AAMDC: variants seen among roughly 807,000 people sequenced by gnomAD.
The protein encoded by AAMDC is mth938 domain-containing protein.
AAMDC carries 16 observed loss-of-function variants against 15.5 expected under a neutral mutation model. That is an observed-to-expected ratio of 1.03 (90% CI 0.70 to 1.57). AAMDC has a LOEUF of 1.57. Among genes scored for constraint, AAMDC ranks in the 40% most tolerant of loss-of-function variants. The pLI, the probability that AAMDC is intolerant of heterozygous loss-of-function variation, is 0.00. For synonymous variants in AAMDC, 51 were observed against 51.6 expected, an observed-to-expected ratio of 0.99 and a Z score of 0.05; for missense variants, 141 against 144.9, an observed-to-expected ratio of 0.97 and a Z score of 0.14.
Position 77,842,624 on chromosome 11 carries a change from C to G in AAMDC, c.128C>G (p.Thr43Ser). The change falls in exon 2 of 4, where the codon ACT (threonine) becomes AGT (serine). Residue 43 changes from threonine to serine, a missense_variant. By Grantham distance (58) the Thr-to-Ser change is moderately conservative. Coordinates refer to ENST00000393427, the MANE Select transcript of AAMDC (RefSeq NM_024684.4). ...SRTWDWRETG[T>S]EHSPGVQPAD... ...ACTTGGGATTGGAGAGAAACAGGAA[C>G]TGAGGTAAGATATTAGTCTTTGGTT... 6.2e-7 allele frequency: 1 copy of G among 1,613,706 alleles called. No individual in the cohort carries two copies. Among genetic ancestry groups the G allele is most frequent in the Non-Finnish European group, 8.5e-7 (1 of 1,179,856 alleles).
intron 5 of AAMDC, among the ~76,000 whole-genome samples, chr11:77,893,314 G>A (rs1361459870): frequency 4.6e-5 from 7 of 152,172 alleles, no homozygotes; most frequent in Non-Finnish European, 1.0e-4. Context: ...GCAAGTGTAA[G>A]AACAGTGTGG....
intron 1 of AAMDC, among the ~76,000 whole-genome samples, chr11:77,826,982 G>A (rs964836800): frequency 2.6e-5 from 4 of 152,082 alleles, no homozygotes; most frequent in South Asian, 2.1e-4. Context: ...GCACACACCC[G>A]TCGTCCCTGC....
At chr11:77,904,221 CT>C (rs1221685261), downstream of AAMDC, among the ~76,000 whole-genome samples, 1 of 152,176 alleles carries the variant, frequency 6.6e-6, no homozygotes, top group Non-Finnish European at 1.5e-5. Context: ...GTGACAGCCT[CT>C]TATTTTCTCA....
chr11:77,837,348 GCTGGTCTCTTAA>G (rs1201110255), intron 1 of AAMDC, among the ~76,000 whole-genome samples: 3 of 152,136 alleles, frequency 2.0e-5, no homozygotes, highest in Non-Finnish European at 4.4e-5. Context: ...CGTTGGCCAG[GCTGGTCTCTTAA>G]CTCCTGACCT....
chr11:77,888,522 T>C (rs1238078643), intron 5 of AAMDC, among the ~76,000 whole-genome samples: 1 of 152,138 alleles, frequency 6.6e-6, no homozygotes, highest in Non-Finnish European at 1.5e-5. Flanking sequence ...GGGCAAGGAC[T>C]TCATGTCTAA....
At position 77,842,527 on chromosome 11, in the gene AAMDC, TG is replaced by T; in HGVS notation, c.36del (p.Gln13LysfsTer2). The T allele has an allele frequency of 6.2e-7, 1 of 1,613,960 alleles. No homozygotes were observed. ...TTCCCCTGAAATTGCTTCCTTATCA[TG>T]GGGGCAAATGAAAGTAAAAGGCTCT... is the stretch of plus-strand genomic sequence containing the variant. Reference protein sequence around the residue: MTSPEIASLSWGQMKVKGSNT... With the variant: MTSPEIASLSXGQMKVKGSNT... On this transcript the variant is annotated frameshift_variant, in exon 2 of 4. Transcript: ENST00000393427. LOFTEE classifies it high-confidence loss of function.
chr11:77,842,197 T>A (rs1249455971), intron 1 of AAMDC, among the ~76,000 whole-genome samples: 4 of 152,234 alleles, frequency 2.6e-5, no homozygotes, highest in African/African-American at 9.6e-5. Context: ...CACTCCATCA[T>A]GCTGAAGTAA....
intron 5 of AAMDC, among the ~76,000 whole-genome samples, chr11:77,897,208 T>C (rs1952562278): frequency 6.6e-6 from 1 of 151,820 alleles, no homozygotes; most frequent in South Asian, 2.1e-4. Flanking sequence ...GCTAAACTTA[T>C]AAAGATTATA....
downstream of AAMDC, chr11:77,900,799 G>C: frequency 1.7e-6 from 1 of 594,000 alleles, no homozygotes; most frequent in South Asian, 2.1e-5. Flanking sequence ...CCAGTTATCT[G>C]AAAGTCTTAC....
At chr11:77,905,534 T>C (rs372328713), downstream of AAMDC, among the ~76,000 whole-genome samples, 4 of 152,046 alleles carry the variant, frequency 2.6e-5, no homozygotes, top group Admixed American at 2.0e-4. Flanking sequence ...TCTGACTCCA[T>C]GAAAGTGCAT....
chr11:77,877,850 C>T (rs1340562320), intron 5 of AAMDC, among the ~76,000 whole-genome samples: 1 of 151,956 alleles, frequency 6.6e-6, no homozygotes, highest in Non-Finnish European at 1.5e-5. Context: ...ATCCCAAAGT[C>T]CTGGGATTAT....
At chr11:77,900,122 T>TG (rs1341450881) in intron 5 of AAMDC, among the ~76,000 whole-genome samples, 1 of 151,614 alleles carries the variant, frequency 6.6e-6, no homozygotes, top group Non-Finnish European at 1.5e-5. Flanking sequence ...TATATAAAGA[T>TG]GGAGTCTTGC....
rs1248132645 is a variant in AAMDC at position 77,853,313 on chromosome 11, TAGGCTGTACAGG to T, written c.132+10687_132+10698del. 1.2e-4 allele frequency among the ~76,000 whole-genome samples: 18 copies of T among 152,300 alleles called. 1 individual carries two copies. Among genetic ancestry groups the T allele is most frequent in the Admixed American group, 1.1e-3 (17 of 15,302 alleles). On this transcript the variant is annotated intron_variant, in intron 2 of 3. Coordinates refer to ENST00000393427, the MANE Select transcript of AAMDC (RefSeq NM_024684.4). ...GAGGTTTCATTGGCTCAGGTTTCCATAGGCTGTACAGGAAGCATTGCTAGGGAGGCCTCAGGA... is the reference window on the plus strand; with the variant it reads ...GAGGTTTCATTGGCTCAGGTTTCCATAAGCATTGCTAGGGAGGCCTCAGGA...
At chr11:77,868,807 C>T (rs182303916) in intron 2 of AAMDC, 151 of 223,638 alleles carry the variant, frequency 6.8e-4, no homozygotes, top group African/African-American at 3.0e-3. Flanking sequence ...AGCAGGCTGG[C>T]GCTTAATTTG....
intron 2 of AAMDC, among the ~76,000 whole-genome samples, chr11:77,844,800 C>T (rs1289483334): frequency 6.6e-6 from 1 of 152,174 alleles, no homozygotes; most frequent in Non-Finnish European, 1.5e-5. Flanking sequence ...TAATTTTTCA[C>T]ATAGGAGTGG....
intron 1 of AAMDC, among the ~76,000 whole-genome samples, chr11:77,841,522 C>T (rs1949930431): frequency 6.6e-6 from 1 of 152,170 alleles, no homozygotes; most frequent in African/African-American, 2.4e-5. Flanking sequence ...ACTGTGTGTA[C>T]AGGGGAGTGC....
intron 5 of AAMDC, among the ~76,000 whole-genome samples, chr11:77,890,923 A>G (rs1952234203): frequency 6.6e-6 from 1 of 152,206 alleles, no homozygotes. Context: ...CATAAATTTT[A>G]TCTGCCAGCC....
chr11:77,887,108 C>A (rs1262048130), intron 5 of AAMDC, among the ~76,000 whole-genome samples: 1 of 152,002 alleles, frequency 6.6e-6, no homozygotes, highest in Non-Finnish European at 1.5e-5. Context: ...CAGAGCAGAA[C>A]TGAAGGAAAT....
At chr11:77,882,622 G>A (rs755303351) in intron 5 of AAMDC, among the ~76,000 whole-genome samples, 6 of 152,306 alleles carry the variant, frequency 3.9e-5, no homozygotes, top group Non-Finnish European at 7.4e-5. Flanking sequence ...TATGGAATGA[G>A]GAATACTCAG....
Sources: gnomAD v4.1 joint callset for allele counts (sites outside exome capture counted in the v4.1 genomes callset) on GRCh38, gnomAD v4.1.1 for gene constraint, MANE v1.5 for transcripts, NCBI Gene and HGNC (gene_info 2026-07-23, HGNC 2026-07-21) for gene names.